Variants in PHYKPL observed in about 807,000 individuals in gnomAD.
The protein encoded by PHYKPL is 5-phosphonooxy-L-lysine phospho-lyase.
In PHYKPL, 42 loss-of-function variants were observed where a neutral mutation model predicts 51.3. The observed-to-expected ratio is 0.82, with a 90% CI of 0.64 to 1.06. The LOEUF (loss-of-function observed/expected upper bound fraction) is 1.06. PHYKPL is among the 50% of genes least tolerant of loss of function. PHYKPL has a pLI of 0.00. For synonymous variants in PHYKPL, 264 were observed against 236.0 expected (o/e 1.12, Z -1.09); for missense variants, 655 against 586.6 (o/e 1.12, Z -1.20).
At chr5:178,231,664 C>T (rs1763453902) in intron 1 of PHYKPL, 141 bp from the exon 2 acceptor site, 1 of 1,584,602 alleles carries the variant, frequency 6.3e-7, no homozygotes, top group Non-Finnish European at 8.6e-7. Flanking sequence ...GTGCTGCTTC[C>T]CTGCCTTGTC....
chr5:178,210,486 A>G (rs532076637), intron 12 of PHYKPL: 8 of 1,530,150 alleles, frequency 5.2e-6, no homozygotes, highest in South Asian at 4.5e-5. Context: ...GGGAAGATGC[A>G]TATCAAGCGC....
At chr5:178,208,214 G>A (rs533841844), downstream of PHYKPL, among the ~76,000 whole-genome samples, 101 of 152,314 alleles carry the variant, frequency 6.6e-4, no homozygotes, top group African/African-American at 2.3e-3. Context: ...GGCAGGTTCT[G>A]TTTCTGAGCA....
chr5:178,212,902 G>C, intron 11 of PHYKPL, 71 bp downstream of exon 11: 1 of 1,584,726 alleles, frequency 6.3e-7, no homozygotes, highest in Non-Finnish European at 8.6e-7. Context: ...CCTGTTCCAT[G>C]CTAGGAGGCT....
At position 178,222,756 on chromosome 5, in the gene PHYKPL, C is replaced by T. The variant is rs1581305638; in HGVS notation, c.701+96G>A. 40 of 1,429,586 alleles carry T rather than the reference C, an allele frequency of 2.8e-5. No individual in the cohort carries two copies. In the East Asian group the frequency reaches 9.1e-4, roughly 33 times the overall value. 88.6% of individuals were successfully genotyped at this position (1,429,586 alleles called of 1,614,324 possible). A position where few individuals can be genotyped will look rare whatever the true frequency, so the allele number is the denominator to read the frequency against. ...TAAGGGCTTTGTCTCAAAATTCTGG[C>T]AGTCAGGACAGGCTGAGGTTGGGAT... is the stretch of plus-strand genomic sequence containing the variant. On this transcript the variant is annotated intron_variant, in intron 7 of 12. Transcript: ENST00000308158.
chr5:178,213,188 C>A lies in PHYKPL; in HGVS notation c.1173-85G>T. The A allele has an allele frequency of 2.6e-6, 4 of 1,557,746 alleles. No individual in the cohort carries two copies. In the South Asian group the frequency reaches 4.8e-5, roughly 19 times the overall value. Reference sequence around the variant, plus strand: ...CCTCATGTCCAGTGCTCCAGCCACACTGTCCTCAGAGCCTTCCATGGGCCA... The same window carrying A: ...CCTCATGTCCAGTGCTCCAGCCACAATGTCCTCAGAGCCTTCCATGGGCCA... On this transcript the variant is annotated intron_variant, in intron 10 of 12. Transcript: ENST00000308158.
intron 4 of PHYKPL, 76 bp from the exon 5 acceptor site, chr5:178,224,805 C>A: frequency 2.5e-6 from 3 of 1,214,108 alleles, no homozygotes; most frequent in Non-Finnish European, 3.5e-6. Context: ...ATCGTCTCCC[C>A]ACCCCTGAAG....
intron 6 of PHYKPL, chr5:178,223,599 G>GT (rs926769014): frequency 7.4e-6 from 3 of 403,922 alleles, no homozygotes; most frequent in Non-Finnish European, 1.5e-5. Context: ...CCTTTTTTAG[G>GT]TTTTATAGAA....
chr5:178,232,360 G>C (rs1449477466), intron 1 of PHYKPL, 132 bp downstream of exon 1: 38 of 1,291,832 alleles, frequency 2.9e-5, no homozygotes, highest in Non-Finnish European at 3.5e-5. Context: ...CCGGGGCAGC[G>C]GCCGGACGGG....
intron 8 of PHYKPL, among the ~76,000 whole-genome samples, chr5:178,219,632 A>G (rs1029353503): frequency 4.0e-5 from 6 of 151,608 alleles, no homozygotes; most frequent in African/African-American, 1.5e-4. Flanking sequence ...TCTATTTTTC[A>G]GTAGAGATGG....
At chr5:178,212,923 G>A in intron 11 of PHYKPL, 50 bp downstream of exon 11, 2 of 1,603,790 alleles carry the variant, frequency 1.2e-6, no homozygotes, top group Non-Finnish European at 8.5e-7. Context: ...CTAGTTGCTG[G>A]CTTCAGGCTG....
rs1379401316 is a variant in PHYKPL, at chr5:178,231,519, A to G, written c.64T>C (p.Ser22Pro). ...LALRQRLISSSCRLFFPEDPV... is the reference protein window; with the variant it reads ...LALRQRLISSPCRLFFPEDPV... ...TCCTCGGGAAAAAAGAGTCTGCAGG[A>G]AGAGCTGTGGGGACAGGCAAGGAGT... Residue 22 changes from serine to proline, a missense_variant, in exon 2 of 13, where the codon TCC (serine) becomes CCC (proline). Transcript: ENST00000308158. 2 of 1,614,172 alleles carry G rather than the reference A, an allele frequency of 1.2e-6. No individual in the cohort carries two copies. The highest frequency in any genetic ancestry group is 1.7e-6 in the Non-Finnish European group (2 of 1,180,010).
rs1287600012 is a variant in PHYKPL at position 178,232,513 on chromosome 5, G to A, written c.38C>T (p.Ala13Val). Residue 13 changes from alanine (A) to valine (V), a missense_variant, in exon 1 of 13, where the codon GCC becomes GTC. By Grantham distance (64) the Ala-to-Val change is moderately conservative (BLOSUM62 0). Coordinates refer to ENST00000308158, the MANE Select transcript of PHYKPL (RefSeq NM_153373.4). ...GTACCTGATGAGCCGTTGCCTCAGGGCCAGCGTGTCGGCCTTCGGGCGCTG... is the reference window on the plus strand; with the variant it reads ...GTACCTGATGAGCCGTTGCCTCAGGACCAGCGTGTCGGCCTTCGGGCGCTG... ...ADQRPKADTL[A>V]LRQRLISSSC... 6 of 1,341,096 alleles carry A rather than the reference G, an allele frequency of 4.5e-6. No individual in the cohort carries two copies. Among genetic ancestry groups the A allele is most frequent in the East Asian group, 3.1e-5 (1 of 32,542 alleles). 83.1% of individuals were successfully genotyped at this position (1,341,096 alleles called of 1,614,324 possible).
intron 12 of PHYKPL, chr5:178,211,004 G>A (rs930562251): frequency 4.1e-5 from 9 of 217,686 alleles, no homozygotes; most frequent in South Asian, 1.8e-4. Flanking sequence ...TATTATTTGC[G>A]TCATACATTT....
At chr5:178,228,512 C>A (rs1387159464) in intron 3 of PHYKPL, 1 of 702,438 alleles carries the variant, frequency 1.4e-6, no homozygotes, top group South Asian at 1.5e-5. Flanking sequence ...CAGCTCCCTT[C>A]TCTTTCCAGA....
chr5:178,220,548 GTTAAC>G (rs1760954532), intron 8 of PHYKPL, among the ~76,000 whole-genome samples: 1 of 152,072 alleles, frequency 6.6e-6, no homozygotes, highest in African/African-American at 2.4e-5. Context: ...CTGGTGGGGT[GTTAAC>G]TTGTGAACTA....
intron 6 of PHYKPL, 47 bp downstream of exon 6, chr5:178,224,401 G>A: frequency 6.0e-6 from 9 of 1,495,870 alleles, no homozygotes; most frequent in Non-Finnish European, 8.1e-6. Flanking sequence ...TGACAACGGA[G>A]GTGACATTCA....
At chr5:178,210,403 T>G in intron 12 of PHYKPL, 5 of 1,557,640 alleles carry the variant, frequency 3.2e-6, no homozygotes, top group Non-Finnish European at 4.4e-6. Context: ...GCTACTTGAT[T>G]TTGAGCCTTA....
intron 6 of PHYKPL, 82 bp downstream of exon 6, chr5:178,224,366 T>C: frequency 2.2e-6 from 3 of 1,395,348 alleles, no homozygotes; most frequent in Non-Finnish European, 9.7e-7. Flanking sequence ...TCTCTCTGGG[T>C]TCCCAGCATC....
At chr5:178,225,276 C>G (rs1163755060) in intron 4 of PHYKPL, 79 bp downstream of exon 4, 1 of 1,550,830 alleles carries the variant, frequency 6.4e-7, no homozygotes, top group Non-Finnish European at 8.9e-7. Flanking sequence ...GCCTAAGGCA[C>G]CCAGAGTCAG....
Sources: allele counts gnomAD v4.1 joint callset (sites outside exome capture counted in the v4.1 genomes callset), GRCh38; gene constraint gnomAD v4.1.1; transcripts MANE v1.5; gene names NCBI Gene and HGNC (gene_info 2026-07-23, HGNC 2026-07-21).